ETV1: variants seen among roughly 807,000 people sequenced by gnomAD.
ETV1 encodes ETS translocation variant 1.
ETV1 carries 27 observed loss-of-function variants against 62.3 expected under a neutral mutation model. The observed-to-expected ratio is 0.43, with a 90% confidence interval of 0.32 to 0.60. The LOEUF is 0.60. Ranked by LOEUF, ETV1 falls within the 20% of genes least tolerant of loss-of-function variation. The probability of loss-of-function intolerance (pLI) is 0.06; values close to 1 mark genes in which losing one functional copy is unlikely to be tolerated. For synonymous variants in ETV1, 222 were observed against 199.6 expected (o/e 1.11, Z -0.94); for missense variants, 605 against 605.8 (o/e 1.00, Z 0.01).
intron 9 of ETV1, among the ~76,000 whole-genome samples, chr7:13,922,171 G>A (rs1041568254): frequency 2.0e-5 from 3 of 152,078 alleles, no homozygotes; most frequent in Non-Finnish European, 4.4e-5. Context: ...GGTGTTCAGA[G>A]TTTTAGATAT....
chr7:13,977,397 A>C (rs1781559848), intron 6 of ETV1, 30 bp downstream of exon 6: 2 of 1,431,318 alleles, frequency 1.4e-6, no homozygotes, highest in Admixed American at 2.2e-5. Context: ...AAGACAGAAA[A>C]ATACAAGAGA....
Position 13,988,079 on chromosome 7 carries a change from A to T in ETV1, c.133+7T>A. ...AAATGGGGATTCAGCCCAAAATCAA[A>T]CCTCACCTTCTGAATCATGAGCCAG... On this transcript the variant is annotated splice_region_variant and intron_variant, in intron 4 of 13. Transcript: ENST00000430479. 1 of 1,590,450 alleles carries T rather than the reference A, an allele frequency of 6.3e-7. No individual in the cohort carries two copies. The highest frequency in any genetic ancestry group is 1.1e-5 in the South Asian group (1 of 90,582).
intron 11 of ETV1, 146 bp downstream of exon 11, chr7:13,909,486 T>C (rs969358831): frequency 3.1e-6 from 2 of 648,964 alleles, no homozygotes; most frequent in Admixed American, 2.8e-5. Context: ...TAAATTGTAA[T>C]AGGTCAACGT....
At chr7:13,906,765 G>T (rs886819244) in intron 11 of ETV1, among the ~76,000 whole-genome samples, 166 bp from the exon 12 acceptor site, 1 of 152,084 alleles carries the variant, frequency 6.6e-6, no homozygotes, top group Non-Finnish European at 1.5e-5. Flanking sequence ...TAGTTAAATG[G>T]TTGAATATAA....
chr7:13,987,292 A>T (rs1409296073), intron 4 of ETV1, among the ~76,000 whole-genome samples: 1 of 151,088 alleles, frequency 6.6e-6, no homozygotes, highest in African/African-American at 2.4e-5. Flanking sequence ...GTTCTAAACT[A>T]TATGGTCATG....
At chr7:13,921,999 T>C (rs1036633900) in intron 9 of ETV1, among the ~76,000 whole-genome samples, 1 of 152,286 alleles carries the variant, frequency 6.6e-6, no homozygotes, top group African/African-American at 2.4e-5. Flanking sequence ...ATATTTAAAA[T>C]AATTGTAATA....
intron 6 of ETV1, among the ~76,000 whole-genome samples, chr7:13,974,435 C>G (rs1054541732): frequency 4.6e-5 from 7 of 152,154 alleles, no homozygotes; most frequent in African/African-American, 1.7e-4. Flanking sequence ...CTCTGTCCTG[C>G]AGACAGTTTA....
chr7:13,949,441 T>C (rs1470629690), intron 6 of ETV1, among the ~76,000 whole-genome samples: 2 of 152,152 alleles, frequency 1.3e-5, no homozygotes, highest in Non-Finnish European at 2.9e-5. Context: ...GACAATGGTG[T>C]CACATGCTTT....
At chr7:13,954,887 C>CA (rs1356310026) in intron 6 of ETV1, among the ~76,000 whole-genome samples, 4 of 151,808 alleles carry the variant, frequency 2.6e-5, no homozygotes, top group Non-Finnish European at 1.5e-5. Flanking sequence ...AAAGTTTGCC[C>CA]AAAAAAAGAA....
In ETV1 at chr7:13,906,603, A is replaced by T. The variant is rs1302945318; in HGVS notation, c.941-4T>A. The T allele has an allele frequency of 1.9e-6, 3 of 1,588,790 alleles. No homozygotes were observed. Among genetic ancestry groups the T allele is most frequent in the Admixed American group, 1.8e-5 (1 of 54,558 alleles). ...CCTGGCTCTTGTTTGATGTCTCCTAAATTAAAACATTTTTAAGTTTCTATT... is the reference window on the plus strand; with the variant it reads ...CCTGGCTCTTGTTTGATGTCTCCTATATTAAAACATTTTTAAGTTTCTATT... On this transcript the variant is annotated splice_region_variant and splice_polypyrimidine_tract_variant and intron_variant, in intron 11 of 13. Transcript: ENST00000430479.
At chr7:13,971,636 A>G (rs1196043292) in intron 6 of ETV1, among the ~76,000 whole-genome samples, 3 of 152,180 alleles carry the variant, frequency 2.0e-5, no homozygotes, top group Non-Finnish European at 4.4e-5. Context: ...GGACTTATGC[A>G]CACTCCTGGA....
At chr7:13,966,780 T>C (rs563933554) in intron 6 of ETV1, among the ~76,000 whole-genome samples, 1 of 152,324 alleles carries the variant, frequency 6.6e-6, no homozygotes, top group South Asian at 2.1e-4. Flanking sequence ...TCATATAATT[T>C]CACATTACTC....
rs539704812 is a variant in ETV1, at chr7:13,954,288, C to T, written c.236-15042G>A. On this transcript the variant is annotated intron_variant, in intron 6 of 13. Transcript: ENST00000430479. ...AATTTATTACTGTGGGCTTCAGAAC[C>T]AGAGCAGTATAATTCTAAATTTAGA... 3.2e-3 allele frequency among the ~76,000 whole-genome samples: 493 copies of T among 152,222 alleles called. 3 individuals carry two copies. Among genetic ancestry groups the T allele is most frequent in the African/African-American group, 0.012 (481 of 41,544 alleles).
intron 9 of ETV1, among the ~76,000 whole-genome samples, chr7:13,913,339 A>G (rs1170804556): frequency 6.6e-6 from 1 of 152,270 alleles, no homozygotes; most frequent in Non-Finnish European, 1.5e-5. Context: ...CACAATGGTT[A>G]TAAACAGGCA....
At chr7:13,964,476 C>G (rs561952403) in intron 6 of ETV1, among the ~76,000 whole-genome samples, 3 of 152,122 alleles carry the variant, frequency 2.0e-5, no homozygotes, top group East Asian at 3.9e-4. Context: ...CAAAATTTAT[C>G]CAGAACTTGG....
intron 9 of ETV1, among the ~76,000 whole-genome samples, chr7:13,923,206 T>G (rs962352301): frequency 6.6e-6 from 1 of 152,196 alleles, no homozygotes; most frequent in Non-Finnish European, 1.5e-5. Context: ...ATGTTGTTCT[T>G]GCTCCATTAC....
chr7:13,932,691 G>A (rs1000261682), intron 8 of ETV1, among the ~76,000 whole-genome samples: 5 of 152,174 alleles, frequency 3.3e-5, no homozygotes, highest in African/African-American at 1.2e-4. Flanking sequence ...CCACAAAGAT[G>A]TGGATTAATT....
At chr7:13,935,299 C>T (rs559959768) in intron 8 of ETV1, among the ~76,000 whole-genome samples, 2 of 152,096 alleles carry the variant, frequency 1.3e-5, no homozygotes, top group African/African-American at 2.4e-5. Flanking sequence ...CTGAACCATT[C>T]AATATAAGGT....
At chr7:13,952,306 G>T (rs904729668) in intron 6 of ETV1, among the ~76,000 whole-genome samples, 7 of 152,158 alleles carry the variant, frequency 4.6e-5, no homozygotes, top group Non-Finnish European at 1.0e-4. Context: ...ATGCCTGCGT[G>T]TAAGTGCCTG....
Sources: gnomAD v4.1 joint callset for allele counts (sites outside exome capture counted in the v4.1 genomes callset) on GRCh38, gnomAD v4.1.1 for gene constraint, MANE v1.5 for transcripts, NCBI Gene and HGNC (gene_info 2026-07-23, HGNC 2026-07-21) for gene names.